Variants in EML5 observed in about 807,000 individuals in gnomAD.
The protein encoded by EML5 is EMAP like 5.
Under a neutral mutation model 250.0 loss-of-function variants are expected in EML5, and 120 were observed. That is an observed-to-expected ratio of 0.48 (90% CI 0.41 to 0.56). The LOEUF (loss-of-function observed/expected upper bound fraction) is 0.56, where lower values mean the gene tolerates loss of function less well. EML5 is among the 20% of genes least tolerant of loss of function. The pLI, the probability that EML5 is intolerant of heterozygous loss-of-function variation, is 0.00. For synonymous variants in EML5, 771 were observed against 806.5 expected (o/e 0.96, Z 0.75); for missense variants, 2,006 against 2,437.6 (o/e 0.82, Z 3.73).
intron 1 of EML5, among the ~76,000 whole-genome samples, chr14:88,779,957 T>A (rs77235175): frequency 6.7e-4 from 100 of 149,754 alleles, no homozygotes; most frequent in East Asian, 1.4e-3. Context: ...TGAAAAAAAA[T>A]TTTTTTTTTT....
chr14:88,740,413 T>G lies in EML5; in HGVS notation c.685A>C (p.Ile229Leu), dbSNP rs774955942. 1 of 1,612,804 alleles carries G rather than the reference T, an allele frequency of 6.2e-7. No individual in the cohort carries two copies. The highest frequency in any genetic ancestry group is 8.5e-7 in the Non-Finnish European group (1 of 1,179,422). Residue 229 changes from isoleucine (I) to leucine (L), a missense_variant, in exon 5 of 44, where the codon ATA (isoleucine) becomes CTA (leucine). Physicochemically the swap from Ile to Leu is conservative, Grantham distance 5. Coordinates refer to ENST00000554922, the MANE Select transcript of EML5 (RefSeq NM_183387.3). Reference protein sequence around the residue: ...DIYVWKGINLIRTIQGAHAAG... With the variant: ...DIYVWKGINLLRTIQGAHAAG... The stretch of plus-strand genomic sequence containing the variant: ...GCATGGGCTCCTTGTATTGTTCGTA[T>G]AAGATTGATTCCTTTCCAAACATAT...
intron 37 of EML5, chr14:88,621,724 C>A: frequency 3.3e-6 from 1 of 299,370 alleles, no homozygotes; most frequent in South Asian, 3.2e-5. Flanking sequence ...TTTATAAATA[C>A]ACTTAATAAG....
intron 21 of EML5, among the ~76,000 whole-genome samples, chr14:88,675,267 C>A (rs1404651556): frequency 6.6e-6 from 1 of 152,238 alleles, no homozygotes; most frequent in African/African-American, 2.4e-5. Context: ...GAGGTCCCTG[C>A]CTCTGCAGCA....
At chr14:88,740,927 G>A (rs1439074511) in intron 4 of EML5, among the ~76,000 whole-genome samples, 1 of 152,016 alleles carries the variant, frequency 6.6e-6, no homozygotes, top group Non-Finnish European at 1.5e-5. Context: ...TTTTGGGAGA[G>A]CAAGGTAGGC....
chr14:88,649,983 T>G, intron 27 of EML5, 57 bp from the exon 28 acceptor site: 9 of 1,263,274 alleles, frequency 7.1e-6, no homozygotes, highest in Non-Finnish European at 9.6e-6. Context: ...TGATGATGAA[T>G]AGAATACAGC....
chr14:88,621,455 C>G (rs888004103), intron 37 of EML5, 154 bp from the exon 38 acceptor site: 4 of 752,768 alleles, frequency 5.3e-6, no homozygotes, highest in Non-Finnish European at 8.8e-6. Context: ...GCAAATTTTT[C>G]TATGACTACA....
intron 15 of EML5, among the ~76,000 whole-genome samples, chr14:88,696,240 GCATT>G (rs2141347736): frequency 6.6e-6 from 1 of 151,772 alleles, no homozygotes; most frequent in African/African-American, 2.4e-5. Flanking sequence ...AGCAGCAAAA[GCATT>G]AATTCACTGT....
chr14:88,655,989 A>AG (rs1442673401), intron 27 of EML5, among the ~76,000 whole-genome samples: 1 of 152,240 alleles, frequency 6.6e-6, no homozygotes, highest in Non-Finnish European at 1.5e-5. Context: ...GAAGATGTGG[A>AG]GAAACAGCAA....
intron 8 of EML5, among the ~76,000 whole-genome samples, chr14:88,719,394 A>C (rs943199455): frequency 6.6e-6 from 1 of 152,094 alleles, no homozygotes; most frequent in African/African-American, 2.4e-5. Flanking sequence ...TCAATCAATA[A>C]ATAAAATGAC....
In EML5 at chr14:88,705,294, T is replaced by C. The variant is rs575253828; in HGVS notation, c.1932+188A>G. Among the ~76,000 whole-genome samples the C allele has an allele frequency of 3.3e-5, 5 of 152,228 alleles. No individual in the cohort carries two copies. The South Asian group carries it at 1.0e-3, about 32-fold the overall frequency. ...AAATAGAAGGCAAGCATACTTAATA[T>C]ACCAAGCATTTAATATAAAAAAAAT... On this transcript the variant is annotated intron_variant, in intron 12 of 43. Transcript: ENST00000554922.
intron 8 of EML5, among the ~76,000 whole-genome samples, chr14:88,724,131 T>C (rs1400179994): frequency 6.8e-6 from 1 of 147,930 alleles, no homozygotes; most frequent in Non-Finnish European, 1.5e-5. Context: ...AAAAAATAGC[T>C]TGGCGTGGTG....
In EML5 at chr14:88,621,126, T is replaced by C. The variant is rs765879481; in HGVS notation, c.5189A>G (p.Asp1730Gly). The change falls in exon 38 of 44, where the codon GAT (aspartate) becomes GGT (glycine). Residue 1730 changes from aspartate to glycine, a missense_variant. Asp to Gly is a moderately conservative substitution (Grantham distance 94, BLOSUM62 -1). Around this residue, in one of 7 missense-constraint regions of EML5, gnomAD observed 405 missense variants for 523.3 expected, o/e 0.77. Coordinates refer to ENST00000554922, the MANE Select transcript of EML5 (RefSeq NM_183387.3). ...ATCTGTACTTACTTTATCAGCAATA[T>C]CCCAAAGTCTCACTGTCCCATCTTC... is the stretch of plus-strand genomic sequence containing the variant. ...AAEDGTVRLW[D>G]IADKKMLNKV... is the part of the protein sequence containing the mutation. The C allele has an allele frequency of 6.2e-7, 1 of 1,613,744 alleles. No individual in the cohort carries two copies. Among genetic ancestry groups the C allele is most frequent in the Non-Finnish European group, 8.5e-7 (1 of 1,179,822 alleles).
chr14:88,683,140 C>A (rs1423191672), intron 20 of EML5, among the ~76,000 whole-genome samples: 1 of 152,264 alleles, frequency 6.6e-6, no homozygotes, highest in Non-Finnish European at 1.5e-5. Flanking sequence ...TAATATCTTT[C>A]CAGAATTTGT....
At chr14:88,744,347 T>C (rs1159805527) in intron 3 of EML5, among the ~76,000 whole-genome samples, 1 of 152,048 alleles carries the variant, frequency 6.6e-6, no homozygotes, top group African/African-American at 2.4e-5. Flanking sequence ...TTATTTTTAA[T>C]TTTTAAAAAA....
chr14:88,716,532 C>G (rs767617555), intron 8 of EML5, among the ~76,000 whole-genome samples: 17 of 152,102 alleles, frequency 1.1e-4, no homozygotes, highest in Non-Finnish European at 2.2e-4. Context: ...TATTTGGCAG[C>G]TTTTACTTTT....
chr14:88,661,889 C>T (rs2140947757), intron 24 of EML5, 59 bp from the exon 25 acceptor site: 1 of 1,436,002 alleles, frequency 7.0e-7, no homozygotes, highest in Non-Finnish European at 9.4e-7. Flanking sequence ...TATTAACAAC[C>T]AAAATGTAAA....
intron 21 of EML5, 56 bp downstream of exon 21, chr14:88,681,834 T>C: frequency 6.6e-7 from 1 of 1,505,988 alleles, no homozygotes; most frequent in South Asian, 1.4e-5. Context: ...CTTATATTTG[T>C]AAAGGTTAGA....
intron 1 of EML5, among the ~76,000 whole-genome samples, chr14:88,767,896 T>G (rs2140540368): frequency 6.6e-6 from 1 of 152,246 alleles, no homozygotes; most frequent in East Asian, 1.9e-4. Flanking sequence ...AATTCACCAT[T>G]TTTTCCACTA....
intron 27 of EML5, among the ~76,000 whole-genome samples, chr14:88,654,503 G>T (rs1320015683): frequency 1.3e-5 from 2 of 152,148 alleles, no homozygotes; most frequent in African/African-American, 4.8e-5. Context: ...TGGTTTCAAA[G>T]AACTTATTTA....
Sources: gnomAD v4.1 joint callset for allele counts (sites outside exome capture counted in the v4.1 genomes callset) on GRCh38, gnomAD v4.1.1 for gene constraint, gnomAD v4.1.1 regional missense constraint, MANE v1.5 for transcripts, NCBI Gene and HGNC (gene_info 2026-07-23, HGNC 2026-07-21) for gene names.